The following ACVR1B variants were observed in gnomAD, a reference collection of about 807,000 sequenced individuals.
ACVR1B encodes activin receptor type-1B.
Under a neutral mutation model 55.6 loss-of-function variants are expected in ACVR1B, and 15 were observed. That is an observed-to-expected ratio of 0.27 (90% CI 0.18 to 0.42). The LOEUF (loss-of-function observed/expected upper bound fraction) is 0.42. Ranked by LOEUF, ACVR1B falls within the 10% of genes least tolerant of loss-of-function variation. The pLI, the probability that ACVR1B is intolerant of heterozygous loss-of-function variation, is 1.00. For synonymous variants in ACVR1B, 247 were observed against 254.6 expected, an observed-to-expected ratio of 0.97 and a Z score of 0.28; for missense variants, 359 against 670.1, an observed-to-expected ratio of 0.54 and a Z score of 5.13.
At chr12:51,976,284 T>G (rs1941852271) in intron 2 of ACVR1B, 43 bp from the exon 3 acceptor site, 1 of 1,610,724 alleles carries the variant, frequency 6.2e-7, no homozygotes, top group Non-Finnish European at 8.5e-7. Context: ...TTTCCCTTGT[T>G]TTTACTTCTC....
At chr12:51,977,624 T>G (rs896314649) in intron 3 of ACVR1B, among the ~76,000 whole-genome samples, 29 of 149,148 alleles carry the variant, frequency 1.9e-4, no homozygotes, top group African/African-American at 7.2e-4. Flanking sequence ...TTTTTTTTTT[T>G]TTTTGTTTTA....
At chr12:51,968,388 A>G (rs1431358370) in intron 1 of ACVR1B, among the ~76,000 whole-genome samples, 2 of 152,254 alleles carry the variant, frequency 1.3e-5, no homozygotes, top group Non-Finnish European at 2.9e-5. Flanking sequence ...CTTGTAATAA[A>G]TGTTATTTTA....
At chr12:51,953,608 AAG>A in intron 1 of ACVR1B, 6 of 793,020 alleles carry the variant, frequency 7.6e-6, no homozygotes, top group South Asian at 5.7e-5. Flanking sequence ...AAAAAAAAAA[AAG>A]GGAGATTGAA....
In ACVR1B at chr12:51,994,098, C is replaced by T. The variant is rs369666135; in HGVS notation, c.1506C>T (p.Asp502=). The part of the protein sequence containing the change: ...KTLSQLSVQE[D]VKI ...TCTCCCAGCTCAGCGTGCAGGAAGA[C>T]GTGAAGATCTAACTGCTCCCTCTCT... The change falls in exon 9 of 9, where the codon GAC becomes GAT. Residue 502 remains aspartate, a synonymous_variant. Coordinates refer to ENST00000257963, the MANE Select transcript of ACVR1B (RefSeq NM_004302.5). This position sits in a 1 kb window ranked among gnomAD's most constrained non-coding sequence, Gnocchi z 4.2. 1.7e-5 allele frequency: 27 copies of T among 1,613,596 alleles called. No homozygotes were observed. The highest frequency in any genetic ancestry group is 2.0e-5 in the Non-Finnish European group (24 of 1,180,026).
rs566834699 is a variant in ACVR1B, at chr12:51,988,453, C to T, written c.1261+1511C>T. On this transcript the variant is annotated intron_variant, in intron 7 of 8. Coordinates refer to ENST00000257963, the MANE Select transcript of ACVR1B (RefSeq NM_004302.5). The stretch of plus-strand genomic sequence containing the variant: ...ACTGCATTGCAGCCTTGCGACAGAG[C>T]GAGACTCCATCTCAAAGAAAAAACA... Among the ~76,000 whole-genome samples the T allele has an allele frequency of 4.6e-5, 7 of 152,218 alleles. No individual in the cohort carries two copies. In the South Asian group the frequency reaches 6.2e-4, roughly 14 times the overall value.
In ACVR1B at chr12:51,966,932, T is replaced by A. The variant is rs1474661724; in HGVS notation, c.92-8333T>A. 3.9e-5 allele frequency among the ~76,000 whole-genome samples: 6 copies of A among 152,118 alleles called. No individual in the cohort carries two copies. The East Asian group carries it at 1.2e-3, about 29-fold the overall frequency. On this transcript the variant is annotated intron_variant, in intron 1 of 8. Coordinates refer to ENST00000257963, the MANE Select transcript of ACVR1B (RefSeq NM_004302.5). ...GATTGCAATATCAATGACAAAAAATTAAAGGCACTTAAAAACATTAAAGGT... is the reference window on the plus strand; with the variant it reads ...GATTGCAATATCAATGACAAAAAATAAAAGGCACTTAAAAACATTAAAGGT...
chr12:51,962,070 G>A (rs1941540946), intron 1 of ACVR1B, among the ~76,000 whole-genome samples: 1 of 152,202 alleles, frequency 6.6e-6, no homozygotes, highest in Non-Finnish European at 1.5e-5. Flanking sequence ...TTCTCTAACT[G>A]AGACTTAAGG....
intron 3 of ACVR1B, among the ~76,000 whole-genome samples, chr12:51,978,557 C>A (rs1214686276): frequency 1.3e-5 from 2 of 152,096 alleles, no homozygotes; most frequent in African/African-American, 2.4e-5. Context: ...CGGCCAGGCG[C>A]GGTGGCTCAC....
At chr12:51,990,250 G>A (rs553644525) in intron 7 of ACVR1B, among the ~76,000 whole-genome samples, 6 of 149,436 alleles carry the variant, frequency 4.0e-5, no homozygotes, top group South Asian at 2.1e-4. Context: ...CTGAGATTGC[G>A]CCATTGCACT....
At chr12:51,992,053 G>A (rs1238507947) in intron 8 of ACVR1B, 60 bp downstream of exon 8, 1 of 1,612,444 alleles carries the variant, frequency 6.2e-7, no homozygotes, top group Non-Finnish European at 8.5e-7. Context: ...TTAGAAAAGG[G>A]TTTCTTGACA....
intron 4 of ACVR1B, among the ~76,000 whole-genome samples, chr12:51,981,450 C>T (rs1003891523): frequency 2.0e-5 from 3 of 152,188 alleles, no homozygotes; most frequent in African/African-American, 7.2e-5. Context: ...CACCCCCTCA[C>T]CCTACCTGCT....
intron 1 of ACVR1B, among the ~76,000 whole-genome samples, chr12:51,966,715 C>G (rs1006401141): frequency 6.6e-6 from 1 of 152,116 alleles, no homozygotes; most frequent in African/African-American, 2.4e-5. Context: ...TCCCAAAGTG[C>G]TGGGATTACA....
At chr12:51,970,633 A>G (rs529317508) in intron 1 of ACVR1B, among the ~76,000 whole-genome samples, 2 of 152,302 alleles carry the variant, frequency 1.3e-5, no homozygotes, top group South Asian at 2.1e-4. Context: ...AGGGAAGAAT[A>G]ATTAAAATAA....
At chr12:51,983,884 A>C in intron 4 of ACVR1B, 115 bp from the exon 5 acceptor site, 12 of 1,041,622 alleles carry the variant, frequency 1.2e-5, no homozygotes, top group Non-Finnish European at 1.6e-5. Context: ...GGAGGTGGGA[A>C]ATGTGAATTC....
intron 8 of ACVR1B, chr12:51,992,231 G>A (rs1942205792): frequency 3.5e-6 from 2 of 570,820 alleles, no homozygotes; most frequent in East Asian, 2.9e-5. Flanking sequence ...TGGGCCTGGT[G>A]TGGTGGCATA....
intron 8 of ACVR1B, among the ~76,000 whole-genome samples, chr12:51,992,826 C>T (rs188172354): frequency 2.0e-4 from 31 of 152,214 alleles, no homozygotes; most frequent in African/African-American, 7.2e-4. Flanking sequence ...GTGGGGGAAA[C>T]AACATTTGGT....
chr12:51,963,473 A>G (rs999574016), intron 1 of ACVR1B, among the ~76,000 whole-genome samples: 5 of 152,132 alleles, frequency 3.3e-5, no homozygotes, highest in Non-Finnish European at 5.9e-5. Context: ...TTCGACTGTA[A>G]GTGATCCACC....
At position 51,991,890 on chromosome 12, in the gene ACVR1B, A is replaced by G. The variant is rs1182074710; in HGVS notation, c.1289A>G (p.Tyr430Cys). ...GGVHEEYQLP[Y>C]YDLVPSDPSI... ...GTCCATGAAGAATATCAGCTGCCATATTACGACTTAGTGCCCTCTGACCCT... is the reference window on the plus strand; with the variant it reads ...GTCCATGAAGAATATCAGCTGCCATGTTACGACTTAGTGCCCTCTGACCCT... Residue 430 changes from tyrosine to cysteine, a missense_variant, in exon 8 of 9, where the codon TAT becomes TGT. By Grantham distance (194) the Tyr-to-Cys change is radical. This residue lies in a region of ACVR1B where 119 missense variants were observed against 340.2 expected (regional missense o/e 0.35). Transcript: ENST00000257963. 6.2e-7 allele frequency: 1 copy of G among 1,613,928 alleles called. No individual in the cohort carries two copies. The highest frequency in any genetic ancestry group is 8.5e-7 in the Non-Finnish European group (1 of 1,179,986).
intron 1 of ACVR1B, among the ~76,000 whole-genome samples, chr12:51,961,427 A>G (rs1470031591): frequency 6.6e-6 from 1 of 152,210 alleles, no homozygotes; most frequent in Non-Finnish European, 1.5e-5. Context: ...AAAATGCCGC[A>G]AACATTTGTG....
Sources: allele counts gnomAD v4.1 joint callset (sites outside exome capture counted in the v4.1 genomes callset), GRCh38; gene constraint gnomAD v4.1.1; regional missense constraint gnomAD v4.1.1; non-coding constraint Gnocchi (gnomAD v3.1); transcripts MANE v1.5; gene names NCBI Gene and HGNC (gene_info 2026-07-23, HGNC 2026-07-21).